CNOT10: variants seen among roughly 807,000 people sequenced by gnomAD.
The protein encoded by CNOT10 is CCR4-NOT transcription complex subunit 10, also known as CCR4-NOT transcription complex, subunit 10.
Under a neutral mutation model 94.6 loss-of-function variants are expected in CNOT10, and 30 were observed. The ratio of observed to expected loss-of-function variants is 0.32; its 90% CI spans 0.24 to 0.43. The LOEUF (loss-of-function observed/expected upper bound fraction) is 0.43. Ranked by LOEUF, CNOT10 falls within the 20% of genes least tolerant of loss-of-function variation. CNOT10 has a pLI of 1.00. For synonymous variants in CNOT10, 289 were observed against 301.6 expected, an observed-to-expected ratio of 0.96 and a Z score of 0.43; for missense variants, 759 against 877.2, an observed-to-expected ratio of 0.87 and a Z score of 1.70.
chr3:32,754,476 CAAAAA>C lies in CNOT10; in HGVS notation c.1596-4972_1596-4968del, dbSNP rs1553637886. 2.2e-4 allele frequency among the ~76,000 whole-genome samples: 8 copies of C among 36,264 alleles called. 1 individual carries two copies. The highest frequency in any genetic ancestry group is 3.0e-4 in the Non-Finnish European group (7 of 22,994). 23.8% of individuals were successfully genotyped at this position (36,264 alleles called of 152,430 possible). A position where few individuals can be genotyped will look rare whatever the true frequency, so the allele number is the denominator to read the frequency against. ...TGGGCGACAGAGCAAGACTCCGTCT[CAAAAA>C]AAAAAAAAATACATATATATATATA... On this transcript the variant is annotated intron_variant, in intron 13 of 18. Transcript: ENST00000328834.
chr3:32,728,181 A>G (rs1311393991), intron 10 of CNOT10, among the ~76,000 whole-genome samples: 1 of 151,672 alleles, frequency 6.6e-6, no homozygotes, highest in Non-Finnish European at 1.5e-5. Flanking sequence ...TTTTTAGTAG[A>G]GACGAGGTTT....
At chr3:32,762,942 T>C in intron 15 of CNOT10, 79 bp downstream of exon 15, 1 of 1,414,304 alleles carries the variant, frequency 7.1e-7, no homozygotes, top group South Asian at 1.7e-5. Context: ...TGTGGAAATT[T>C]AGGCATGGTG....
intron 13 of CNOT10, among the ~76,000 whole-genome samples, chr3:32,748,912 T>G (rs1268294729): frequency 6.6e-6 from 1 of 151,632 alleles, no homozygotes; most frequent in African/African-American, 2.4e-5. Context: ...CTCACCCACC[T>G]CCGGGTTCAA....
chr3:32,732,835 A>G lies in CNOT10; in HGVS notation c.1216-588A>G, dbSNP rs1442487287. ...ACATCTTAATCAAATATCCTAAAGTACTATGTATGTGTAAGTAGCTTTTAT... is the reference window on the plus strand; with the variant it reads ...ACATCTTAATCAAATATCCTAAAGTGCTATGTATGTGTAAGTAGCTTTTAT... On this transcript the variant is annotated intron_variant, in intron 10 of 18. Transcript: ENST00000328834. Among the ~76,000 whole-genome samples the G allele has an allele frequency of 4.6e-5, 7 of 152,300 alleles. No homozygotes were observed. The East Asian group carries it at 1.3e-3, about 29-fold the overall frequency.
rs1173513009 is a variant in CNOT10, at chr3:32,757,170, ATTTT to A, written c.1596-2265_1596-2262del. Among the ~76,000 whole-genome samples the A allele has an allele frequency of 1.7e-4, 13 of 78,296 alleles. No individual in the cohort carries two copies. The East Asian group carries it at 1.9e-3, about 11-fold the overall frequency. 51.4% of individuals were successfully genotyped at this position (78,296 alleles called of 152,430 possible). ...TGTCATTCACATAGGCCCTGAACTA[ATTTT>A]TTTTTTTTTTTTTTTTTTTTTTGTG... On this transcript the variant is annotated intron_variant, in intron 13 of 18. Transcript: ENST00000328834.
chr3:32,693,716 A>G (rs1159922627), intron 1 of CNOT10, among the ~76,000 whole-genome samples: 1 of 151,464 alleles, frequency 6.6e-6, no homozygotes, highest in Admixed American at 6.6e-5. Context: ...TAACTTTTGT[A>G]TTTTTTGTAG....
At chr3:32,708,144 T>G (rs374277763) in intron 3 of CNOT10, among the ~76,000 whole-genome samples, 17 of 152,156 alleles carry the variant, frequency 1.1e-4, no homozygotes, top group African/African-American at 3.1e-4. Context: ...GTGATCTGCC[T>G]GTCTCGGCCT....
chr3:32,741,768 C>CAAAAAAAAA (rs529423159), intron 13 of CNOT10, among the ~76,000 whole-genome samples: 112 of 86,522 alleles, frequency 1.3e-3, no homozygotes, highest in African/African-American at 4.1e-3. Flanking sequence ...GACTCCGTCT[C>CAAAAAAAAA]AAAAAAAAAA....
chr3:32,688,077 G>A (rs542221456), intron 1 of CNOT10, among the ~76,000 whole-genome samples: 38 of 152,270 alleles, frequency 2.5e-4, no homozygotes, highest in African/African-American at 9.1e-4. Context: ...GTTGTAGGTG[G>A]TGGATTTAAA....
chr3:32,702,674 A>G (rs1039818461), intron 1 of CNOT10, among the ~76,000 whole-genome samples: 2 of 152,158 alleles, frequency 1.3e-5, no homozygotes, highest in Non-Finnish European at 2.9e-5. Flanking sequence ...GTGTGTTTAT[A>G]TCTCCAGCAC....
chr3:32,755,320 T>TA (rs1491182154), intron 13 of CNOT10, among the ~76,000 whole-genome samples: 1 of 135,220 alleles, frequency 7.4e-6, no homozygotes, highest in African/African-American at 2.7e-5. Flanking sequence ...TTTCTTTTTC[T>TA]TTTTTTTTTT....
At chr3:32,718,557 C>A (rs1451107688) in intron 7 of CNOT10, among the ~76,000 whole-genome samples, 1 of 122,910 alleles carries the variant, frequency 8.1e-6, no homozygotes, top group Admixed American at 1.1e-4. Flanking sequence ...GCACTCCAGC[C>A]TGGGCGACAG....
At chr3:32,766,632 CAAA>C (rs369161243) in intron 17 of CNOT10, among the ~76,000 whole-genome samples, 4 of 71,940 alleles carry the variant, frequency 5.6e-5, no homozygotes, top group Non-Finnish European at 5.6e-5. Context: ...GACTCTGTCT[CAAA>C]AAAAAAAAAA....
chr3:32,706,614 T>A (rs945376563), intron 3 of CNOT10, among the ~76,000 whole-genome samples: 1 of 152,218 alleles, frequency 6.6e-6, no homozygotes, highest in Non-Finnish European at 1.5e-5. Context: ...GTTACTAGAC[T>A]ATTTTGGTGA....
chr3:32,734,974 C>CAGGT lies in CNOT10; in HGVS notation c.1514_1514+3dup. On this transcript the variant is annotated frameshift_variant and splice_region_variant, in exon 12 of 19. Coordinates refer to ENST00000328834, the MANE Select transcript of CNOT10 (RefSeq NM_015442.3). LOFTEE classifies it high-confidence loss of function. ...AGAGCAGCGAAAGCAGTGAAACTTG[C>CAGGT]AGGTATTCTAATCCTTGTGACCTCC... The CAGGT allele has an allele frequency of 6.2e-7, 1 of 1,611,890 alleles. No homozygotes were observed. Among genetic ancestry groups the CAGGT allele is most frequent in the South Asian group, 1.1e-5 (1 of 90,832 alleles).
At chr3:32,750,240 A>T (rs192691527) in intron 13 of CNOT10, among the ~76,000 whole-genome samples, 2 of 152,192 alleles carry the variant, frequency 1.3e-5, no homozygotes, top group East Asian at 3.9e-4. Flanking sequence ...CATGCCTGTA[A>T]TCCCAGCACT....
At chr3:32,742,386 T>G (rs1699510256) in intron 13 of CNOT10, among the ~76,000 whole-genome samples, 1 of 151,880 alleles carries the variant, frequency 6.6e-6, no homozygotes, top group African/African-American at 2.4e-5. Flanking sequence ...TGTGTTGTCA[T>G]TGTTGCCGTT....
At chr3:32,753,257 T>C (rs1318505006) in intron 13 of CNOT10, 3 of 801,216 alleles carry the variant, frequency 3.7e-6, no homozygotes, top group Non-Finnish European at 6.7e-6. Flanking sequence ...TTTCAGTGTC[T>C]GGATTAAAAG....
intron 8 of CNOT10, among the ~76,000 whole-genome samples, chr3:32,721,712 T>C (rs1698421638): frequency 6.7e-6 from 1 of 149,976 alleles, no homozygotes; most frequent in Non-Finnish European, 1.5e-5. Flanking sequence ...AGTGGCACAA[T>C]CTCGGCTCAC....
Sources: allele counts gnomAD v4.1 joint callset (sites outside exome capture counted in the v4.1 genomes callset), GRCh38; gene constraint gnomAD v4.1.1; transcripts MANE v1.5; gene names NCBI Gene and HGNC (gene_info 2026-07-23, HGNC 2026-07-21).